The following PAX9 variants were observed in gnomAD, a reference collection of about 807,000 sequenced individuals.
PAX9 encodes the protein paired box 9.
PAX9 carries 6 observed loss-of-function variants against 29.1 expected under a neutral mutation model. The ratio of observed to expected loss-of-function variants is 0.21; its 90% CI spans 0.11 to 0.41. PAX9 has a LOEUF of 0.41. Ranked by LOEUF, PAX9 falls within the 10% of genes least tolerant of loss-of-function variation. The pLI is 1.00. For missense variants in PAX9, 443 were observed against 479.1 expected, an observed-to-expected ratio of 0.92 and a Z score of 0.70; for synonymous variants, 217 against 211.7, an observed-to-expected ratio of 1.03 and a Z score of -0.22.
At chr14:36,671,293 C>A in intron 3 of PAX9, 1 of 194,898 alleles carries the variant, frequency 5.1e-6, no homozygotes, top group Non-Finnish European at 1.1e-5. Context: ...GGTCTATAAC[C>A]TCTAACTGCC....
chr14:36,671,561 C>G (rs1197293239), intron 3 of PAX9, among the ~76,000 whole-genome samples: 1 of 151,702 alleles, frequency 6.6e-6, no homozygotes, highest in African/African-American at 2.4e-5. Context: ...CTTTCACAAA[C>G]CTATACTAAC....
chr14:36,657,859 T>C (rs1228582084), upstream of PAX9: 2 of 152,284 alleles, frequency 1.3e-5, no homozygotes, highest in Non-Finnish European at 2.9e-5. Context: ...CGGCTTCTCC[T>C]TGGGCTAGCG....
chr14:36,676,534 A>C lies in PAX9; in HGVS notation c.*82A>C. The C allele has an allele frequency of 6.6e-7, 1 of 1,507,640 alleles. No individual in the cohort carries two copies. Among genetic ancestry groups the C allele is most frequent in the East Asian group, 2.3e-5 (1 of 43,014 alleles). The allele number at this position is 1,507,640 out of a possible 1,614,324, so 93.4% of individuals were successfully genotyped here. A position where few individuals can be genotyped will look rare whatever the true frequency, so the allele number is the denominator to read the frequency against. ...CCCCAATTCCCAGGTCTCACATCCCACCCCTCCTGCCCTCCAACCCTTCTG... is the reference window on the plus strand; with the variant it reads ...CCCCAATTCCCAGGTCTCACATCCCCCCCCTCCTGCCCTCCAACCCTTCTG... On this transcript the variant is annotated 3_prime_UTR_variant, in exon 4 of 4. Coordinates refer to ENST00000361487, the MANE Select transcript of PAX9 (RefSeq NM_001372076.1).
rs767167192 is a variant in PAX9 at position 36,663,418 on chromosome 14, C to A, written c.526C>A (p.Pro176Thr). The A allele has an allele frequency of 1.9e-6, 3 of 1,613,102 alleles. No individual in the cohort carries two copies. Among genetic ancestry groups the A allele is most frequent in the Non-Finnish European group, 2.5e-6 (3 of 1,179,760 alleles). The change falls in exon 2 of 4, where the codon CCA (proline) becomes ACA (threonine). Residue 176 changes from proline (P) to threonine (T), a missense_variant. Pro to Thr is a conservative substitution (Grantham distance 38, BLOSUM62 -1). This residue lies in a region of PAX9 where 336 missense variants were observed against 317.2 expected (regional missense o/e 1.06). Transcript: ENST00000361487. ...ITAAAAKVPT[P>T]PGVPAIPGSV... ...GGCGGCGGCCGCCAAGGTGCCCACG[C>A]CACCCGGGGTGCCTGCCATCCCCGG...
Position 36,678,237 on chromosome 14 carries a change from C to T in PAX9, c.*1785C>T. Reference sequence around the variant, plus strand: ...GGCTAGATTAGTTAGGTTTTCAAATCACTAGGATGTAAACAGTAAGCAGAT... The same window carrying T: ...GGCTAGATTAGTTAGGTTTTCAAATTACTAGGATGTAAACAGTAAGCAGAT... On this transcript the variant is annotated 3_prime_UTR_variant, in exon 4 of 4. Transcript: ENST00000361487. 1 of 529,748 alleles carries T rather than the reference C, an allele frequency of 1.9e-6. No individual in the cohort carries two copies. Among genetic ancestry groups the T allele is most frequent in the Non-Finnish European group, 3.4e-6 (1 of 296,662 alleles). 32.8% of individuals were successfully genotyped at this position (529,748 alleles called of 1,614,324 possible). A position where few individuals can be genotyped will look rare whatever the true frequency, so the allele number is the denominator to read the frequency against.
Position 36,678,317 on chromosome 14 carries a change from T to C in PAX9, c.*1865T>C. ...TGCTTTTTTCAGACAGCAGATATCT[T>C]ATAGAGAGCTTTGAACTGCATTTAT... On this transcript the variant is annotated 3_prime_UTR_variant, in exon 4 of 4. Coordinates refer to ENST00000361487, the MANE Select transcript of PAX9 (RefSeq NM_001372076.1). The C allele has an allele frequency of 1.6e-6, 1 of 609,046 alleles. No homozygotes were observed. The highest frequency in any genetic ancestry group is 2.9e-6 in the Non-Finnish European group (1 of 347,978). 37.7% of individuals were successfully genotyped at this position (609,046 alleles called of 1,614,324 possible).
In PAX9 at chr14:36,663,198, C is replaced by G; in HGVS notation, c.306C>G (p.Ile102Met). ...ACCCCGGCATCTTCGCCTGGGAGATCCGGGACCGCCTGCTGGCGGACGGCG... is the reference window on the plus strand; with the variant it reads ...ACCCCGGCATCTTCGCCTGGGAGATGCGGGACCGCCTGCTGGCGGACGGCG... ...QRDPGIFAWE[I>M]RDRLLADGVC... The change falls in exon 2 of 4, where the codon ATC becomes ATG. Residue 102 changes from isoleucine to methionine, a missense_variant. Physicochemically the swap from Ile to Met is conservative, Grantham distance 10 (BLOSUM62 1). Coordinates refer to ENST00000361487, the MANE Select transcript of PAX9 (RefSeq NM_001372076.1). 1 of 1,614,006 alleles carries G rather than the reference C, an allele frequency of 6.2e-7. No individual in the cohort carries two copies. The highest frequency in any genetic ancestry group is 1.1e-5 in the South Asian group (1 of 91,080).
chr14:36,666,590 A>G lies in PAX9; in HGVS notation c.760A>G (p.Lys254Glu). Residue 254 changes from lysine (K) to glutamate (E), a missense_variant, in exon 3 of 4, where the codon AAG (lysine) becomes GAG (glutamate). Around this residue, in one of 2 missense-constraint regions of PAX9, gnomAD observed 336 missense variants for 317.2 expected, o/e 1.06. Coordinates refer to ENST00000361487, the MANE Select transcript of PAX9 (RefSeq NM_001372076.1). ...GAAGGGAGCCCTGGAGCAGGAAGCCAAGTACGGTCAGGTGAGGAGGCGAGG... is the reference window on the plus strand; with the variant it reads ...GAAGGGAGCCCTGGAGCAGGAAGCCGAGTACGGTCAGGTGAGGAGGCGAGG... ...LEKGALEQEA[K>E]YGQAPNGLPA... 3 of 1,568,246 alleles carry G rather than the reference A, an allele frequency of 1.9e-6. No individual in the cohort carries two copies. Among genetic ancestry groups the G allele is most frequent in the Non-Finnish European group, 2.6e-6 (3 of 1,156,298 alleles).
intron 1 of PAX9, 106 bp from the exon 2 acceptor site, chr14:36,662,791 G>T: frequency 1.4e-6 from 2 of 1,382,650 alleles, no homozygotes; most frequent in Non-Finnish European, 2.0e-6. Context: ...GTTAGTAGGG[G>T]ACGGGTGCGT....
At chr14:36,661,797 C>G (rs1484714145), upstream of PAX9, 3 of 520,476 alleles carry the variant, frequency 5.8e-6, no homozygotes, top group Admixed American at 3.6e-5. Context: ...AGCTTGCCCT[C>G]GGACCCGCCC....
intron 3 of PAX9, among the ~76,000 whole-genome samples, chr14:36,666,848 C>T (rs868474524): frequency 6.6e-6 from 1 of 152,180 alleles, no homozygotes; most frequent in African/African-American, 2.4e-5. Context: ...GGGTCTGGGG[C>T]GGCAGCTCCC....
chr14:36,677,040 G>C lies in PAX9; in HGVS notation c.*588G>C. 6.2e-6 allele frequency: 1 copy of C among 160,050 alleles called. No homozygotes were observed. Among genetic ancestry groups the C allele is most frequent in the Admixed American group, 5.8e-5 (1 of 17,130 alleles). 9.9% of individuals were successfully genotyped at this position (160,050 alleles called of 1,614,324 possible). A position where few individuals can be genotyped will look rare whatever the true frequency, so the allele number is the denominator to read the frequency against. ...TATATGTAGAACCCAAGCAATATCT[G>C]AATCTAGCTCTCCCTGGTGTTTTGA... On this transcript the variant is annotated 3_prime_UTR_variant, in exon 4 of 4. Coordinates refer to ENST00000361487, the MANE Select transcript of PAX9 (RefSeq NM_001372076.1).
intron 3 of PAX9, 93 bp downstream of exon 3, chr14:36,666,694 G>T: frequency 6.9e-7 from 1 of 1,454,332 alleles, no homozygotes; most frequent in Non-Finnish European, 9.4e-7. Flanking sequence ...TGAGCTTCCC[G>T]CGAGAGAAGC....
intron 3 of PAX9, among the ~76,000 whole-genome samples, chr14:36,673,079 T>G (rs947534685): frequency 1.3e-5 from 2 of 151,772 alleles, no homozygotes; most frequent in African/African-American, 4.8e-5. Flanking sequence ...TTGGCCAGGC[T>G]GGTCTTGAAC....
Position 36,676,562 on chromosome 14 carries a change from T to TTTC in PAX9, c.*111_*112insTCT. ...CCTCCTGCCCTCCAACCCTTCTGCCTTGAAAGCTGGCTGTACGGACTCACA... is the reference window on the plus strand; with the variant it reads ...CCTCCTGCCCTCCAACCCTTCTGCCTTTCTGAAAGCTGGCTGTACGGACTCACA... On this transcript the variant is annotated 3_prime_UTR_variant, in exon 4 of 4. Transcript: ENST00000361487. 1 of 1,286,974 alleles carries TTTC rather than the reference T, an allele frequency of 7.8e-7. No homozygotes were observed. The highest frequency in any genetic ancestry group is 1.1e-6 in the Non-Finnish European group (1 of 915,152). 79.7% of individuals were successfully genotyped at this position (1,286,974 alleles called of 1,614,324 possible).
rs1594476004 is a variant in PAX9 at position 36,676,781 on chromosome 14, CTT to C, written c.*331_*332del. ...GGTTTAAGGAACTTTACAAACTAGT[CTT>C]TGGTAAAACCACATGTGTATATTTA... On this transcript the variant is annotated 3_prime_UTR_variant, in exon 4 of 4. Coordinates refer to ENST00000361487, the MANE Select transcript of PAX9 (RefSeq NM_001372076.1). 1 of 361,682 alleles carries C rather than the reference CTT, an allele frequency of 2.8e-6. No homozygotes were observed. The highest frequency in any genetic ancestry group is 6.2e-5 in the East Asian group (1 of 16,010). 22.4% of individuals were successfully genotyped at this position (361,682 alleles called of 1,614,324 possible). A position where few individuals can be genotyped will look rare whatever the true frequency, so the allele number is the denominator to read the frequency against.
At position 36,679,214 on chromosome 14, in the gene PAX9, C is replaced by A; in HGVS notation, c.*2762C>A. On this transcript the variant is annotated 3_prime_UTR_variant, in exon 4 of 4. Coordinates refer to ENST00000361487, the MANE Select transcript of PAX9 (RefSeq NM_001372076.1). ...ACAATTTTGTTTTGTTTTTAATGAC[C>A]CTTTTATTGAATATTGGACTGAAAT... is the stretch of plus-strand genomic sequence containing the variant. 1 of 984,244 alleles carries A rather than the reference C, an allele frequency of 1.0e-6. No individual in the cohort carries two copies. Among genetic ancestry groups the A allele is most frequent in the Non-Finnish European group, 1.2e-6 (1 of 829,086 alleles). 61.0% of individuals were successfully genotyped at this position (984,244 alleles called of 1,614,324 possible). A position where few individuals can be genotyped will look rare whatever the true frequency, so the allele number is the denominator to read the frequency against.
At chr14:36,666,117 CT>C (rs1881478249) in intron 2 of PAX9, 1 of 293,676 alleles carries the variant, frequency 3.4e-6, no homozygotes, top group African/African-American at 2.1e-5. Flanking sequence ...CACGTGCAGC[CT>C]TAAGGGTTCC....
chr14:36,679,348 A>G lies in PAX9; in HGVS notation c.*2896A>G, dbSNP rs750680922. 1.3e-5 allele frequency: 13 copies of G among 971,580 alleles called. No homozygotes were observed. Among genetic ancestry groups the G allele is most frequent in the South Asian group, 9.5e-5 (2 of 21,008 alleles). 60.2% of individuals were successfully genotyped at this position (971,580 alleles called of 1,614,324 possible). Reference sequence around the variant, plus strand: ...TATACTTCAAATGCTCTAAATTAATAAAAAGTAATAATTACCATGTTATCT... The same window carrying G: ...TATACTTCAAATGCTCTAAATTAATGAAAAGTAATAATTACCATGTTATCT... On this transcript the variant is annotated 3_prime_UTR_variant, in exon 4 of 4. Coordinates refer to ENST00000361487, the MANE Select transcript of PAX9 (RefSeq NM_001372076.1).
Sources: gnomAD v4.1 joint callset for allele counts (sites outside exome capture counted in the v4.1 genomes callset) on GRCh38, gnomAD v4.1.1 for gene constraint, gnomAD v4.1.1 regional missense constraint, MANE v1.5 for transcripts, NCBI Gene and HGNC (gene_info 2026-07-23, HGNC 2026-07-21) for gene names.